The following MYRIP variants were observed in gnomAD, a reference collection of about 807,000 sequenced individuals.
MYRIP encodes the protein rab effector MyRIP.
A neutral mutation model predicts 98.0 loss-of-function variants in MYRIP; 49 were observed. That is an observed-to-expected ratio of 0.50 (90% CI 0.40 to 0.63). MYRIP has a LOEUF of 0.63. Ranked by LOEUF, MYRIP falls within the 30% of genes least tolerant of loss-of-function variation. The pLI, the probability that MYRIP is intolerant of heterozygous loss-of-function variation, is 0.00. For missense variants in MYRIP, 1,004 were observed against 1,058.2 expected (o/e 0.95, Z 0.71); for synonymous variants, 404 against 409.5 (o/e 0.99, Z 0.16).
At chr3:39,811,667 CTG>C (rs149573544) in intron 1 of MYRIP, among the ~76,000 whole-genome samples, 5 of 149,814 alleles carry the variant, frequency 3.3e-5, no homozygotes, top group South Asian at 2.1e-4. Context: ...TGGGGGGAGG[CTG>C]TGTGTGTGTG....
At chr3:39,859,467 CCTT>C (rs1281135020) in intron 1 of MYRIP, among the ~76,000 whole-genome samples, 1 of 152,134 alleles carries the variant, frequency 6.6e-6, no homozygotes, top group Non-Finnish European at 1.5e-5. Context: ...TGTTGCCAGT[CCTT>C]CTCAAACTCT....
chr3:40,252,790 C>T (rs899162996), intron 16 of MYRIP, among the ~76,000 whole-genome samples: 8 of 152,126 alleles, frequency 5.3e-5, no homozygotes, highest in African/African-American at 1.9e-4. Flanking sequence ...AACTTACCCA[C>T]AGAATTACTT....
At chr3:39,884,944 C>T (rs1337094210) in intron 1 of MYRIP, among the ~76,000 whole-genome samples, 2 of 122,428 alleles carry the variant, frequency 1.6e-5, no homozygotes, top group Non-Finnish European at 3.3e-5. Context: ...CCCCTTCTCC[C>T]TCCCTATCAT....
intron 2 of MYRIP, among the ~76,000 whole-genome samples, chr3:40,016,954 A>G (rs1004528851): frequency 2.6e-5 from 4 of 152,182 alleles, no homozygotes; most frequent in South Asian, 2.1e-4. Context: ...GAGGATACAT[A>G]CAAAGATCAC....
chr3:39,907,604 C>A (rs1943909803), intron 2 of MYRIP, among the ~76,000 whole-genome samples: 1 of 152,146 alleles, frequency 6.6e-6, no homozygotes, highest in Non-Finnish European at 1.5e-5. Context: ...CAGCAGGAGA[C>A]TTTGTGTGGG....
At chr3:40,240,374 G>C (rs1189767001) in intron 12 of MYRIP, among the ~76,000 whole-genome samples, 1 of 152,180 alleles carries the variant, frequency 6.6e-6, no homozygotes, top group Non-Finnish European at 1.5e-5. Context: ...ATTTCCGTCT[G>C]AGGTACCGGG....
Position 40,124,808 on chromosome 3 carries a change from T to C in MYRIP, c.333-26240T>C, listed in dbSNP as rs117070716. On this transcript the variant is annotated intron_variant, in intron 3 of 16. Transcript: ENST00000302541. ...CACATAAACCCCCACCTGGCATGGC[T>C]GCTGTGCCAGCAGGCATTCTTAAGT... 1.0e-3 allele frequency among the ~76,000 whole-genome samples: 152 copies of C among 152,314 alleles called. 6 individuals carry two copies. In the East Asian group the frequency reaches 0.023, roughly 23 times the overall value.
chr3:39,877,113 C>G (rs1006319522), intron 1 of MYRIP, among the ~76,000 whole-genome samples: 9 of 152,178 alleles, frequency 5.9e-5, no homozygotes. Context: ...CACTGATACC[C>G]TTTCTTCCAG....
chr3:39,847,686 C>T lies in MYRIP; in HGVS notation c.-31+37770C>T, dbSNP rs549024586. Among the ~76,000 whole-genome samples, 6 of 152,338 alleles carry T rather than the reference C, an allele frequency of 3.9e-5. No individual in the cohort carries two copies. The East Asian group carries it at 5.8e-4, about 15-fold the overall frequency. On this transcript the variant is annotated intron_variant, in intron 1 of 16. Coordinates refer to ENST00000302541, the MANE Select transcript of MYRIP (RefSeq NM_015460.4). ...CTCTTGGCTGCCTGGCCTCCTCTCT[C>T]CAGTGGCATTGTCCTCATCTACTGT...
chr3:40,194,516 T>C (rs1951333597), intron 10 of MYRIP, among the ~76,000 whole-genome samples: 1 of 152,126 alleles, frequency 6.6e-6, no homozygotes, highest in African/African-American at 2.4e-5. Flanking sequence ...TGTGGATTTT[T>C]AGAAAATGAT....
chr3:40,001,905 C>G (rs192246690), intron 2 of MYRIP, among the ~76,000 whole-genome samples: 1 of 152,090 alleles, frequency 6.6e-6, no homozygotes, highest in African/African-American at 2.4e-5. Context: ...GGTTAGACAT[C>G]GTGGGTGAGA....
chr3:40,186,825 G>A (rs1466278987), intron 9 of MYRIP, among the ~76,000 whole-genome samples: 1 of 152,154 alleles, frequency 6.6e-6, no homozygotes, highest in Non-Finnish European at 1.5e-5. Flanking sequence ...GAGAACCTGA[G>A]CATTCCTGAG....
chr3:40,083,185 G>T (rs964641204), intron 3 of MYRIP, among the ~76,000 whole-genome samples: 1 of 152,198 alleles, frequency 6.6e-6, no homozygotes, highest in African/African-American at 2.4e-5. Context: ...TGGGGCTCAT[G>T]GCCTAGAGAA....
At chr3:40,094,947 C>T (rs1012550348) in intron 3 of MYRIP, among the ~76,000 whole-genome samples, 2 of 152,156 alleles carry the variant, frequency 1.3e-5, no homozygotes, top group Non-Finnish European at 2.9e-5. Context: ...AAACCACCTC[C>T]CTCCCCAACA....
chr3:40,159,954 T>G (rs1020106014), intron 4 of MYRIP, among the ~76,000 whole-genome samples: 12 of 152,170 alleles, frequency 7.9e-5, no homozygotes, highest in African/African-American at 2.9e-4. Context: ...CCTCCTGTAG[T>G]TCGGAGTAAT....
intron 3 of MYRIP, among the ~76,000 whole-genome samples, chr3:40,137,913 C>T (rs1575568400): frequency 6.6e-6 from 1 of 152,340 alleles, no homozygotes; most frequent in East Asian, 1.9e-4. Flanking sequence ...CTTATCCTGA[C>T]AACCTTATGA....
chr3:39,946,657 A>C (rs1222363368), intron 2 of MYRIP, among the ~76,000 whole-genome samples: 1 of 152,158 alleles, frequency 6.6e-6, no homozygotes, highest in Non-Finnish European at 1.5e-5. Context: ...GTGCTCTGAC[A>C]ACAACCTGAT....
chr3:39,938,736 C>G (rs929034969), intron 2 of MYRIP, among the ~76,000 whole-genome samples: 4 of 152,110 alleles, frequency 2.6e-5, no homozygotes, highest in African/African-American at 9.7e-5. Flanking sequence ...AAATCCTAGC[C>G]TCAAGAGATC....
intron 2 of MYRIP, among the ~76,000 whole-genome samples, chr3:39,994,374 G>T (rs1377287748): frequency 6.6e-6 from 1 of 152,226 alleles, no homozygotes; most frequent in Non-Finnish European, 1.5e-5. Context: ...TTAGCAAATG[G>T]CACACCTGGA....
Sources: gnomAD v4.1 joint callset for allele counts (sites outside exome capture counted in the v4.1 genomes callset) on GRCh38, gnomAD v4.1.1 for gene constraint, MANE v1.5 for transcripts, NCBI Gene and HGNC (gene_info 2026-07-23, HGNC 2026-07-21) for gene names.